COG3: variants seen among roughly 807,000 people sequenced by gnomAD.
COG3 encodes the protein component of oligomeric golgi complex 3.
COG3 carries 32 observed loss-of-function variants against 114.1 expected under a neutral mutation model. The observed-to-expected ratio is 0.28, with a 90% CI of 0.21 to 0.38. The LOEUF is 0.38. COG3 is among the 10% of genes least tolerant of loss of function. The pLI is 1.00. For synonymous variants in COG3, 352 were observed against 365.7 expected, an observed-to-expected ratio of 0.96 and a Z score of 0.43; for missense variants, 813 against 973.2, an observed-to-expected ratio of 0.84 and a Z score of 2.19.
chr13:45,480,283 AAGAAC>A lies in COG3; in HGVS notation c.545_549del (p.Glu182ValfsTer5). On this transcript the variant is annotated frameshift_variant and splice_region_variant, in exon 4 of 23. Coordinates refer to ENST00000349995, the MANE Select transcript of COG3 (RefSeq NM_031431.4). LOFTEE classifies it high-confidence loss of function. ...CATGAAGCCTGTGAACAGCTCCTAA[AAGAAC>A]AGGTAATTTGGAGTAAGAGAGAGGA... 1 of 1,606,484 alleles carries A rather than the reference AAGAAC, an allele frequency of 6.2e-7. No homozygotes were observed. The highest frequency in any genetic ancestry group is 8.5e-7 in the Non-Finnish European group (1 of 1,175,140).
At chr13:45,511,204 A>G (rs1230780379) in intron 15 of COG3, among the ~76,000 whole-genome samples, 1 of 151,598 alleles carries the variant, frequency 6.6e-6, no homozygotes, top group Non-Finnish European at 1.5e-5. Flanking sequence ...CGCCTCCTTC[A>G]GCATTCTTTG....
chr13:45,505,454 AGCAC>A lies in COG3; in HGVS notation c.1594+2108_1594+2111del, dbSNP rs925753747. ...GTAGCTGGGACTACAGGTGCACACC[AGCAC>A]GCCCAGATAATTTTTGTATTTTTTA... On this transcript the variant is annotated intron_variant, in intron 14 of 22. Transcript: ENST00000349995. 9.2e-5 allele frequency among the ~76,000 whole-genome samples: 14 copies of A among 151,616 alleles called. No homozygotes were observed. In the East Asian group the frequency reaches 2.4e-3, roughly 26 times the overall value.
chr13:45,505,305 CT>C (rs34378614), intron 14 of COG3, among the ~76,000 whole-genome samples: 46 of 145,098 alleles, frequency 3.2e-4, no homozygotes, highest in Non-Finnish European at 2.9e-4. Flanking sequence ...ATCCTGCTTC[CT>C]TTTTTTTTTT....
intron 14 of COG3, among the ~76,000 whole-genome samples, chr13:45,506,729 A>G (rs1870194073): frequency 1.3e-5 from 2 of 152,150 alleles, no homozygotes. Context: ...AGCAAAACCA[A>G]AAAGAATAGT....
chr13:45,518,319 G>T (rs1243436188), intron 17 of COG3, among the ~76,000 whole-genome samples: 1 of 152,180 alleles, frequency 6.6e-6, no homozygotes, highest in East Asian at 1.9e-4. Context: ...GGAGGTTAAG[G>T]GGTAAATACG....
intron 12 of COG3, among the ~76,000 whole-genome samples, chr13:45,494,273 C>T (rs1233585346): frequency 2.7e-5 from 4 of 149,902 alleles, no homozygotes; most frequent in South Asian, 4.2e-4. Context: ...TGCAGTGAGC[C>T]GAGATTGCGC....
chr13:45,479,227 A>T (rs1886099323), intron 3 of COG3, among the ~76,000 whole-genome samples, 161 bp downstream of exon 3: 1 of 152,208 alleles, frequency 6.6e-6, no homozygotes, highest in South Asian at 2.1e-4. Context: ...GGGTCTTTAA[A>T]ACTGTTATTT....
At chr13:45,512,684 G>A (rs1411729669) in intron 16 of COG3, among the ~76,000 whole-genome samples, 1 of 151,850 alleles carries the variant, frequency 6.6e-6, no homozygotes, top group African/African-American at 2.4e-5. Flanking sequence ...CTGGAGTGCA[G>A]TGGTATGATC....
chr13:45,507,391 A>AATAG (rs1870272348), intron 14 of COG3, among the ~76,000 whole-genome samples: 1 of 152,154 alleles, frequency 6.6e-6, no homozygotes, highest in Non-Finnish European at 1.5e-5. Flanking sequence ...ATACAAGTTA[A>AATAG]ATAGGAGTGG....
At chr13:45,513,361 CATATAAATTATACAT>C in intron 16 of COG3, among the ~76,000 whole-genome samples, 2 of 131,044 alleles carry the variant, frequency 1.5e-5, no homozygotes, top group Non-Finnish European at 1.6e-5. Context: ...ATAATATATA[CATATAAATTATACAT>C]ATAATATATA....
chr13:45,522,305 T>G (rs1022679192), intron 19 of COG3, among the ~76,000 whole-genome samples: 10 of 152,300 alleles, frequency 6.6e-5, no homozygotes, highest in Non-Finnish European at 1.0e-4. Context: ...AATATAGATG[T>G]ATTACCGTGT....
At chr13:45,500,851 CTT>C (rs1301354939) in intron 13 of COG3, among the ~76,000 whole-genome samples, 1 of 152,110 alleles carries the variant, frequency 6.6e-6, no homozygotes, top group East Asian at 1.9e-4. Flanking sequence ...GTTTTTCAGA[CTT>C]TTCTTGTTTT....
intron 1 of COG3, among the ~76,000 whole-genome samples, chr13:45,470,283 G>GA (rs1256312840): frequency 2.0e-5 from 3 of 152,164 alleles, no homozygotes; most frequent in African/African-American, 7.2e-5. Context: ...CCCTGAGGAG[G>GA]AAACTAGATG....
rs562165676 is a variant in COG3, at chr13:45,491,234, T to A, written c.969-178T>A. On this transcript the variant is annotated intron_variant, in intron 9 of 22. Transcript: ENST00000349995. The stretch of plus-strand genomic sequence containing the variant: ...AAGATAAAGCTTATGGCATCACAGT[T>A]CATTATGGTTTGCTTTTGTTTTGTG... Among the ~76,000 whole-genome samples, 4 of 152,344 alleles carry A rather than the reference T, an allele frequency of 2.6e-5. No homozygotes were observed. In the South Asian group the frequency reaches 8.3e-4, roughly 32 times the overall value.
intron 1 of COG3, chr13:45,466,726 A>C (rs1275541677): frequency 6.6e-6 from 1 of 152,220 alleles, no homozygotes; most frequent in Non-Finnish European, 1.5e-5. Context: ...CATATTCTAC[A>C]AAAAAATTTG....
intron 12 of COG3, 175 bp downstream of exon 12, chr13:45,493,661 A>G (rs1236438421): frequency 1.4e-5 from 6 of 434,154 alleles, no homozygotes; most frequent in African/African-American, 9.9e-5. Flanking sequence ...CACTAAAGAC[A>G]CAATCAGATA....
chr13:45,521,158 AT>A (rs35160993), intron 19 of COG3, among the ~76,000 whole-genome samples: 7 of 150,356 alleles, frequency 4.7e-5, no homozygotes, highest in East Asian at 1.9e-4. Context: ...GTCTCAAAAC[AT>A]TTTTTTTTTG....
chr13:45,489,382 A>G (rs745961777), intron 8 of COG3, among the ~76,000 whole-genome samples: 8 of 151,578 alleles, frequency 5.3e-5, no homozygotes, highest in Non-Finnish European at 1.2e-4. Context: ...TGTCTAACAG[A>G]TGTCTAACTG....
intron 14 of COG3, among the ~76,000 whole-genome samples, chr13:45,507,568 C>T (rs573329715): frequency 6.6e-6 from 1 of 151,566 alleles, no homozygotes; most frequent in Non-Finnish European, 1.5e-5. Context: ...AGTTTGAGAC[C>T]AGCCTGACTA....
Sources: allele counts gnomAD v4.1 joint callset (sites outside exome capture counted in the v4.1 genomes callset), GRCh38; gene constraint gnomAD v4.1.1; transcripts MANE v1.5; gene names NCBI Gene and HGNC (gene_info 2026-07-23, HGNC 2026-07-21).